FAM219A: variants seen among roughly 807,000 people sequenced by gnomAD.
FAM219A encodes protein FAM219A.
A neutral mutation model predicts 23.4 loss-of-function variants in FAM219A; 7 were observed. That is an observed-to-expected ratio of 0.30 (90% CI 0.17 to 0.56). FAM219A has a LOEUF of 0.56. Among genes scored for constraint, FAM219A ranks in the 20% least tolerant of loss-of-function variants. FAM219A has a pLI of 0.92. For missense variants in FAM219A, 166 were observed against 246.9 expected (o/e 0.67, Z 2.20); for synonymous variants, 93 against 99.0 (o/e 0.94, Z 0.36).
intron 1 of FAM219A, among the ~76,000 whole-genome samples, chr9:34,423,137 G>T (rs1822340368): frequency 6.6e-6 from 1 of 152,180 alleles, no homozygotes; most frequent in African/African-American, 2.4e-5. Context: ...CAGAGCGACA[G>T]AGTGAGACCC....
In FAM219A at chr9:34,402,989, G is replaced by A. The variant is rs142663769; in HGVS notation, c.161-182C>T. On this transcript the variant is annotated intron_variant, in intron 2 of 5. Coordinates refer to ENST00000651358, the MANE Select transcript of FAM219A (RefSeq NM_001184940.2). ...GATAGTACCTGGCCCTGCACAACCT[G>A]AGGCAGACAGTGGGGGGCAAAAAGA... Among the ~76,000 whole-genome samples, 48 of 152,302 alleles carry A rather than the reference G, an allele frequency of 3.2e-4. No homozygotes were observed. The East Asian group carries it at 5.0e-3, about 16-fold the overall frequency.
chr9:34,412,383 T>G (rs573063682), intron 1 of FAM219A, among the ~76,000 whole-genome samples: 1 of 152,292 alleles, frequency 6.6e-6, no homozygotes, highest in East Asian at 1.9e-4. Context: ...TACTAATTAT[T>G]AAGACAAGTT....
intron 1 of FAM219A, among the ~76,000 whole-genome samples, chr9:34,442,332 G>T (rs1413659872): frequency 6.6e-5 from 10 of 152,270 alleles, no homozygotes; most frequent in African/African-American, 2.4e-4. Context: ...TTTTGTTTTT[G>T]TGTTTTAACA....
chr9:34,452,516 C>T (rs1377208421), intron 1 of FAM219A, among the ~76,000 whole-genome samples: 1 of 152,136 alleles, frequency 6.6e-6, no homozygotes, highest in Non-Finnish European at 1.5e-5. Flanking sequence ...TTATTAGTAT[C>T]TGTGTATCTG....
intron 1 of FAM219A, among the ~76,000 whole-genome samples, chr9:34,433,311 C>T (rs1329381702): frequency 6.6e-6 from 1 of 152,134 alleles, no homozygotes; most frequent in Non-Finnish European, 1.5e-5. Context: ...CTTCTTCCTC[C>T]TTTATCTCTA....
At chr9:34,411,459 G>A (rs1372232325) in intron 1 of FAM219A, among the ~76,000 whole-genome samples, 1 of 151,958 alleles carries the variant, frequency 6.6e-6, no homozygotes, top group Non-Finnish European at 1.5e-5. Context: ...GGAGGCCAAA[G>A]CGGGTGGATC....
At chr9:34,447,865 C>G (rs1823427164) in intron 1 of FAM219A, among the ~76,000 whole-genome samples, 1 of 150,974 alleles carries the variant, frequency 6.6e-6, no homozygotes, top group African/African-American at 2.4e-5. Context: ...TAGAAAAAAA[C>G]AGTTTTCTTC....
chr9:34,416,183 AAAAGAAAG>A (rs757662813), intron 1 of FAM219A, among the ~76,000 whole-genome samples: 9,746 of 63,788 alleles, frequency 0.15, 996 homozygotes, highest in Non-Finnish European at 0.16. Context: ...GAAGAAAGAG[AAAAGAAAG>A]AAAGAAAGAA....
chr9:34,409,065 T>C (rs1821739979), intron 1 of FAM219A, among the ~76,000 whole-genome samples: 1 of 152,216 alleles, frequency 6.6e-6, no homozygotes, highest in Non-Finnish European at 1.5e-5. Context: ...CTGATGGTAT[T>C]TGATCCTGGA....
chr9:34,457,812 C>G lies in FAM219A; in HGVS notation c.60+392G>C, dbSNP rs1459519928. Among the ~76,000 whole-genome samples the G allele has an allele frequency of 1.3e-5, 2 of 152,188 alleles. No homozygotes were observed. Among genetic ancestry groups the G allele is most frequent in the Non-Finnish European group, 2.9e-5 (2 of 68,036 alleles). On this transcript the variant is annotated intron_variant, in intron 1 of 5. Coordinates refer to ENST00000651358, the MANE Select transcript of FAM219A (RefSeq NM_001184940.2). The surrounding 1 kb of genome is among the most constrained non-coding windows in gnomAD (Gnocchi z 5.1). ...AGCCTGACGGCTCCCCCGCCCTAAG[C>G]ATCACAGGCCTCTAGGACTAAACGC...
At chr9:34,433,850 T>A (rs552250829) in intron 1 of FAM219A, among the ~76,000 whole-genome samples, 2 of 152,100 alleles carry the variant, frequency 1.3e-5, no homozygotes, top group South Asian at 2.1e-4. Flanking sequence ...GTGAATCAAG[T>A]AGGAAATAAG....
Position 34,433,220 on chromosome 9 carries a change from C to T in FAM219A, c.60+24984G>A, listed in dbSNP as rs538884154. Among the ~76,000 whole-genome samples, 47 of 152,230 alleles carry T rather than the reference C, an allele frequency of 3.1e-4. No individual in the cohort carries two copies. The South Asian group carries it at 9.3e-3, about 30-fold the overall frequency. ...ATATTATCATATTTGTTTTGTTGCTCAAATGTTTCCAGCTTTGGCCATTGA... is the reference window on the plus strand; with the variant it reads ...ATATTATCATATTTGTTTTGTTGCTTAAATGTTTCCAGCTTTGGCCATTGA... On this transcript the variant is annotated intron_variant, in intron 1 of 5. Transcript: ENST00000651358.
rs902891854 is a variant in FAM219A, at chr9:34,420,986, G to A, written c.61-15022C>T. On this transcript the variant is annotated intron_variant, in intron 1 of 5. Transcript: ENST00000651358. ...CAGAGTGAAACTCGTGTGTGTGTGT[G>A]TGTGTATGTGTGTGTGTGTGTGTGA... is the stretch of plus-strand genomic sequence containing the variant. 4.0e-4 allele frequency among the ~76,000 whole-genome samples: 51 copies of A among 128,882 alleles called. 1 individual carries two copies. The highest frequency in any genetic ancestry group is 1.5e-3 in the African/African-American group (49 of 31,618). 84.6% of individuals were successfully genotyped at this position (128,882 alleles called of 152,430 possible).
At chr9:34,445,667 T>C (rs1332717099) in intron 1 of FAM219A, among the ~76,000 whole-genome samples, 1 of 149,920 alleles carries the variant, frequency 6.7e-6, no homozygotes, top group Non-Finnish European at 1.5e-5. Context: ...AGTGGAGAAG[T>C]TCAAGCCTGA....
In FAM219A at chr9:34,458,471, C is replaced by CTA; in HGVS notation, c.-210_-209dup. On this transcript the variant is annotated 5_prime_UTR_variant, in exon 1 of 6. Transcript: ENST00000651358. This position sits in a 1 kb window ranked among gnomAD's most constrained non-coding sequence, Gnocchi z 6.6. The stretch of plus-strand genomic sequence containing the variant: ...GGCCGGCGTGACTCCGTGGGCTTGC[C>CTA]TAGCACTACCGCGGCTGTGGCCGGG... The CTA allele has an allele frequency of 2.6e-6, 1 of 383,646 alleles. No homozygotes were observed. The highest frequency in any genetic ancestry group is 4.6e-5 in the South Asian group (1 of 21,602). 23.8% of individuals were successfully genotyped at this position (383,646 alleles called of 1,614,324 possible). A position where few individuals can be genotyped will look rare whatever the true frequency, so the allele number is the denominator to read the frequency against.
At chr9:34,441,569 G>A (rs1823174893) in intron 1 of FAM219A, among the ~76,000 whole-genome samples, 1 of 152,192 alleles carries the variant, frequency 6.6e-6, no homozygotes, top group Non-Finnish European at 1.5e-5. Context: ...CTAAAGGAGA[G>A]AGGGCCCGAG....
chr9:34,409,895 G>T lies in FAM219A; in HGVS notation c.61-3931C>A, dbSNP rs893332495. Among the ~76,000 whole-genome samples the T allele has an allele frequency of 2.6e-5, 4 of 152,258 alleles. No individual in the cohort carries two copies. In the South Asian group the frequency reaches 8.3e-4, roughly 32 times the overall value. On this transcript the variant is annotated intron_variant, in intron 1 of 5. Transcript: ENST00000651358. ...TTTTTAAAAAAGGTTGAAATCTTTTGATTTTAAATGTTTAAAAATGTTTTA... is the reference window on the plus strand; with the variant it reads ...TTTTTAAAAAAGGTTGAAATCTTTTTATTTTAAATGTTTAAAAATGTTTTA...
At chr9:34,439,878 G>T (rs1031459034) in intron 1 of FAM219A, among the ~76,000 whole-genome samples, 1 of 152,158 alleles carries the variant, frequency 6.6e-6, no homozygotes. Context: ...GAAGTGTAAG[G>T]GGCTACACGG....
At chr9:34,455,462 T>C (rs1823696461) in intron 1 of FAM219A, among the ~76,000 whole-genome samples, 2 of 146,576 alleles carry the variant, frequency 1.4e-5, no homozygotes, top group South Asian at 4.3e-4. Context: ...ATATGCTATC[T>C]TGATTTTTTT....
Sources: allele counts gnomAD v4.1 joint callset (sites outside exome capture counted in the v4.1 genomes callset), GRCh38; gene constraint gnomAD v4.1.1; non-coding constraint Gnocchi (gnomAD v3.1); transcripts MANE v1.5; gene names NCBI Gene and HGNC (gene_info 2026-07-23, HGNC 2026-07-21).